NEK10: variants seen among roughly 807,000 people sequenced by gnomAD.
The protein encoded by NEK10 is serine/threonine-protein kinase Nek10.
NEK10 carries 122 observed loss-of-function variants against 159.8 expected under a neutral mutation model. That is an observed-to-expected ratio of 0.76 (90% CI 0.66 to 0.89). NEK10 has a LOEUF of 0.89. Among genes scored for constraint, NEK10 ranks in the 40% least tolerant of loss-of-function variants. The probability of loss-of-function intolerance (pLI) is 0.00; values close to 1 mark genes in which losing one functional copy is unlikely to be tolerated. For synonymous variants in NEK10, 466 were observed against 457.1 expected, an observed-to-expected ratio of 1.02 and a Z score of -0.25; for missense variants, 1,342 against 1,323.1, an observed-to-expected ratio of 1.01 and a Z score of -0.22.
intron 23 of NEK10, among the ~76,000 whole-genome samples, chr3:27,223,389 C>T (rs1350899703): frequency 6.6e-6 from 1 of 152,160 alleles, no homozygotes; most frequent in Non-Finnish European, 1.5e-5. Context: ...GTACCCCAGC[C>T]CTTACCACTC....
intron 3 of NEK10, among the ~76,000 whole-genome samples, chr3:27,346,668 T>C (rs922889036): frequency 4.6e-5 from 7 of 152,152 alleles, no homozygotes; most frequent in African/African-American, 1.7e-4. Context: ...CACTCTGATA[T>C]AGAGCAGAGT....
chr3:27,179,645 T>G (rs1294194699), intron 26 of NEK10, among the ~76,000 whole-genome samples: 2 of 152,158 alleles, frequency 1.3e-5, no homozygotes, highest in Non-Finnish European at 2.9e-5. Context: ...ATACAGAAGA[T>G]CTGGTCCATC....
Position 27,174,685 on chromosome 3 carries a change from G to C in NEK10, c.2654C>G (p.Ser885Ter). 1 of 1,613,032 alleles carries C rather than the reference G, an allele frequency of 6.2e-7. No homozygotes were observed. The highest frequency in any genetic ancestry group is 8.5e-7 in the Non-Finnish European group (1 of 1,179,600). The change falls in exon 27 of 36, where the codon TCA becomes TGA. Residue 885 changes from serine (S) to a stop codon, truncating the protein, a stop_gained. Transcript: ENST00000691995. LOFTEE classifies it high-confidence loss of function. ...DEDRACDEIL[S>*]DDNFNLENAE... ...ATTTTCCAGGTTGAAGTTATCATCT[G>C]ACAGGATTTCGTCACAGGCCCTGTC...
At chr3:27,278,251 C>T (rs2041909652) in intron 22 of NEK10, among the ~76,000 whole-genome samples, 1 of 152,144 alleles carries the variant, frequency 6.6e-6, no homozygotes, top group Admixed American at 6.5e-5. Context: ...CAGTATTTTG[C>T]ATATACATTC....
At chr3:27,281,712 GA>G (rs2042172928) in intron 22 of NEK10, among the ~76,000 whole-genome samples, 2 of 152,032 alleles carry the variant, frequency 1.3e-5, no homozygotes. Flanking sequence ...AAAAGACACA[GA>G]ACATAAGAAA....
chr3:27,288,844 C>T (rs487930), intron 19 of NEK10, among the ~76,000 whole-genome samples: 1 of 151,916 alleles, frequency 6.6e-6, no homozygotes, highest in Non-Finnish European at 1.5e-5. Flanking sequence ...TCTTTCTGCA[C>T]GTCTTTTTGA....
At chr3:27,126,801 G>A (rs1942010913) in intron 32 of NEK10, among the ~76,000 whole-genome samples, 1 of 151,806 alleles carries the variant, frequency 6.6e-6, no homozygotes, top group African/African-American at 2.4e-5. Context: ...CTCCTAGACA[G>A]CCAACTAGCC....
At chr3:27,248,706 A>G (rs914208137) in intron 23 of NEK10, among the ~76,000 whole-genome samples, 1 of 152,200 alleles carries the variant, frequency 6.6e-6, no homozygotes, top group Non-Finnish European at 1.5e-5. Context: ...ATTCTATTAC[A>G]GTCAGAGAAG....
chr3:27,212,260 T>A (rs572721436), intron 23 of NEK10, among the ~76,000 whole-genome samples: 1 of 152,374 alleles, frequency 6.6e-6, no homozygotes, highest in East Asian at 1.9e-4. Flanking sequence ...ATAAGGTATT[T>A]TTATTTTAAC....
intron 32 of NEK10, among the ~76,000 whole-genome samples, chr3:27,128,633 G>C (rs1019105556): frequency 3.0e-5 from 4 of 135,026 alleles, no homozygotes; most frequent in African/African-American, 1.0e-4. Flanking sequence ...AACCAATGAG[G>C]GATTTTTTTT....
At chr3:27,309,212 G>T in intron 9 of NEK10, 1 of 304,718 alleles carries the variant, frequency 3.3e-6, no homozygotes. Flanking sequence ...TATATATAAT[G>T]TTAAAGCTGC....
chr3:27,310,213 C>T (rs918765971), intron 9 of NEK10: 2 of 152,140 alleles, frequency 1.3e-5, no homozygotes, highest in African/African-American at 4.8e-5. Flanking sequence ...AAACTTCAAT[C>T]CATTACATAT....
At chr3:27,201,288 C>T (rs1178253891) in intron 25 of NEK10, among the ~76,000 whole-genome samples, 1 of 152,168 alleles carries the variant, frequency 6.6e-6, no homozygotes, top group Non-Finnish European at 1.5e-5. Flanking sequence ...TCCAAATAAT[C>T]GTTCTAGTGG....
At chr3:27,230,662 CA>C (rs1417344030) in intron 23 of NEK10, among the ~76,000 whole-genome samples, 1 of 151,598 alleles carries the variant, frequency 6.6e-6, no homozygotes, top group Non-Finnish European at 1.5e-5. Flanking sequence ...ACTTAAAGGA[CA>C]GGGGTGAAAA....
chr3:27,186,183 G>A (rs1462660311), intron 26 of NEK10, among the ~76,000 whole-genome samples: 1 of 152,230 alleles, frequency 6.6e-6, no homozygotes, highest in African/African-American at 2.4e-5. Flanking sequence ...CAGCTTTGGT[G>A]ATCTCCAGCA....
chr3:27,213,657 CT>C (rs1482425906), intron 23 of NEK10, among the ~76,000 whole-genome samples: 4 of 152,156 alleles, frequency 2.6e-5, no homozygotes, highest in Admixed American at 6.5e-5. Context: ...ATAATCTCCT[CT>C]TTTTGGAATT....
intron 26 of NEK10, among the ~76,000 whole-genome samples, chr3:27,187,631 G>C (rs13091103): frequency 0.14 from 20,506 of 151,894 alleles, 1,684 homozygotes; most frequent in Non-Finnish European, 0.18. Flanking sequence ...GAAAACACTG[G>C]GGGGTAAAAA....
intron 31 of NEK10, among the ~76,000 whole-genome samples, chr3:27,135,375 T>G (rs146189084): frequency 1.0e-3 from 159 of 152,340 alleles, no homozygotes; most frequent in African/African-American, 3.5e-3. Flanking sequence ...AATTACTTCC[T>G]CAAAGTCACA....
intron 13 of NEK10, among the ~76,000 whole-genome samples, chr3:27,298,580 G>T (rs889566627): frequency 6.6e-6 from 1 of 152,186 alleles, no homozygotes; most frequent in African/African-American, 2.4e-5. Context: ...AAGTGACTTT[G>T]GAACTGGGTA....
Sources: gnomAD v4.1 joint callset for allele counts (sites outside exome capture counted in the v4.1 genomes callset) on GRCh38, gnomAD v4.1.1 for gene constraint, MANE v1.5 for transcripts, NCBI Gene and HGNC (gene_info 2026-07-23, HGNC 2026-07-21) for gene names.